Variants in POFUT3 observed in about 807,000 individuals in gnomAD.
The protein encoded by POFUT3 is protein O-fucosyltransferase 3.
At chr8:33,320,790 C>T in the POFUT3 span, among the ~76,000 whole-genome samples, 4 of 152,186 alleles carry the variant, frequency 2.6e-5, no homozygotes, top group African/African-American at 9.6e-5. Flanking sequence ...AGCTGAGTTA[C>T]AAGAGGTAGA....
the POFUT3 span, among the ~76,000 whole-genome samples, chr8:33,386,188 CAAA>C: frequency 2.8e-4 from 9 of 32,044 alleles, no homozygotes; most frequent in African/African-American, 6.9e-4. Flanking sequence ...GGCTCCATCT[CAAA>C]AAAAAAAAAA....
chr8:33,388,329 CTTTTTTTTTTTTT>C, the POFUT3 span, among the ~76,000 whole-genome samples: 7 of 83,864 alleles, frequency 8.3e-5, no homozygotes, highest in East Asian at 9.6e-4. Context: ...AAGCAGAACT[CTTTTTTTTTTTTT>C]TTTTTTTTTT....
At chr8:33,438,591 C>A in the POFUT3 span, among the ~76,000 whole-genome samples, 4,789 of 152,210 alleles carry the variant, frequency 0.031, 205 homozygotes, top group African/African-American at 0.097. Context: ...GTTCCTCCCC[C>A]ACACCGTACC....
At chr8:33,317,982 A>G in the POFUT3 span, among the ~76,000 whole-genome samples, 1 of 152,112 alleles carries the variant, frequency 6.6e-6, no homozygotes, top group Admixed American at 6.6e-5. Context: ...TGTGCAATAT[A>G]CTTTCAAACA....
the POFUT3 span, among the ~76,000 whole-genome samples, chr8:33,347,141 G>A: frequency 2.6e-5 from 4 of 151,988 alleles, no homozygotes; most frequent in African/African-American, 7.3e-5. Flanking sequence ...CAAGAGAACC[G>A]CTCCAGGTTC....
At chr8:33,357,774 C>T in the POFUT3 span, among the ~76,000 whole-genome samples, 1 of 152,112 alleles carries the variant, frequency 6.6e-6, no homozygotes, top group Non-Finnish European at 1.5e-5. Context: ...CCACCCCAGA[C>T]TCTGTTTTCC....
At chr8:33,423,934 T>C in the POFUT3 span, among the ~76,000 whole-genome samples, 1 of 150,564 alleles carries the variant, frequency 6.6e-6, no homozygotes, top group Non-Finnish European at 1.5e-5. Flanking sequence ...AGGTTAGGAG[T>C]TTGAGACCAG....
chr8:33,464,543 C>T, the POFUT3 span, among the ~76,000 whole-genome samples: 1 of 152,186 alleles, frequency 6.6e-6, no homozygotes, highest in South Asian at 2.1e-4. Context: ...CACACAGTGG[C>T]TCATGCAGGT....
chr8:33,441,950 C>T, the POFUT3 span, among the ~76,000 whole-genome samples: 2 of 151,948 alleles, frequency 1.3e-5, no homozygotes, highest in African/African-American at 4.8e-5. Flanking sequence ...CCTGTCACTT[C>T]TATTTTTTTT....
chr8:33,318,172 T>C, the POFUT3 span, among the ~76,000 whole-genome samples: 1 of 151,974 alleles, frequency 6.6e-6, no homozygotes, highest in East Asian at 1.9e-4. Flanking sequence ...AAGAATTCCA[T>C]AGTGCAGCAA....
chr8:33,387,845 C>T, the POFUT3 span, among the ~76,000 whole-genome samples: 1 of 152,120 alleles, frequency 6.6e-6, no homozygotes, highest in African/African-American at 2.4e-5. Flanking sequence ...TAAAACCTTA[C>T]ACATCTATGA....
chr8:33,372,929 CT>C, the POFUT3 span: 1 of 808,226 alleles, frequency 1.2e-6, no homozygotes, highest in Non-Finnish European at 1.9e-6. Flanking sequence ...AAGAAAGCAT[CT>C]CACATATTGC....
chr8:33,334,526 T>C, the POFUT3 span, among the ~76,000 whole-genome samples: 2 of 152,174 alleles, frequency 1.3e-5, no homozygotes, highest in Non-Finnish European at 2.9e-5. Context: ...GAGTTGCAGA[T>C]TCTTCAGCAG....
chr8:33,393,680 G>A, the POFUT3 span, among the ~76,000 whole-genome samples: 15 of 152,116 alleles, frequency 9.9e-5, no homozygotes, highest in Admixed American at 3.3e-4. Flanking sequence ...TGAAAATCCC[G>A]GGTGGGGACA....
chr8:33,433,737 T>C, the POFUT3 span, among the ~76,000 whole-genome samples: 1 of 150,848 alleles, frequency 6.6e-6, no homozygotes, highest in Non-Finnish European at 1.5e-5. Flanking sequence ...TGAGCCAAGA[T>C]AGCACCACTG....
At chr8:33,369,746 T>C in the POFUT3 span, among the ~76,000 whole-genome samples, 1 of 152,168 alleles carries the variant, frequency 6.6e-6, no homozygotes, top group Non-Finnish European at 1.5e-5. Context: ...AGGAATGATG[T>C]TCATTTTTGC....
chr8:33,442,302 G>GTTTT, the POFUT3 span, among the ~76,000 whole-genome samples: 1 of 138,956 alleles, frequency 7.2e-6, no homozygotes, highest in Admixed American at 7.3e-5. Context: ...TTTTTTTTTG[G>GTTTT]GGGGGGACAG....
chr8:33,461,411 C>A, the POFUT3 span: 4 of 1,613,234 alleles, frequency 2.5e-6, no homozygotes, highest in African/African-American at 5.3e-5. Context: ...CTGTGACGCA[C>A]AGGCAAGATG....
chr8:33,383,081 T>C, the POFUT3 span, among the ~76,000 whole-genome samples: 4 of 152,108 alleles, frequency 2.6e-5, no homozygotes, highest in Admixed American at 6.6e-5. Flanking sequence ...AAGGAATGAT[T>C]CCGAGTGCAG....
Sources: allele counts gnomAD v4.1 joint callset (sites outside exome capture counted in the v4.1 genomes callset), GRCh38; gene constraint gnomAD v4.1.1; transcripts MANE v1.5; gene names NCBI Gene and HGNC (gene_info 2026-07-23, HGNC 2026-07-21).